Variants in ZBTB7C observed in about 807,000 individuals in gnomAD.
ZBTB7C encodes zinc finger and BTB domain-containing protein 7C.
In ZBTB7C, 8 loss-of-function variants were observed where a neutral mutation model predicts 25.7. The observed-to-expected ratio is 0.31, with a 90% CI of 0.18 to 0.56. ZBTB7C has a LOEUF of 0.56. ZBTB7C is among the 20% of genes least tolerant of loss of function. The pLI, the probability that ZBTB7C is intolerant of heterozygous loss-of-function variation, is 0.91. For missense variants in ZBTB7C, 824 were observed against 855.2 expected (o/e 0.96, Z 0.46); for synonymous variants, 394 against 369.0 (o/e 1.07, Z -0.78).
chr18:48,394,000 G>T (rs552710629), intron 1 of ZBTB7C, among the ~76,000 whole-genome samples: 5 of 152,206 alleles, frequency 3.3e-5, no homozygotes, highest in Admixed American at 2.6e-4. Flanking sequence ...CTCCAGTCTT[G>T]GTGGCCCCAG....
intron 3 of ZBTB7C, among the ~76,000 whole-genome samples, chr18:48,127,669 T>C (rs11082652): frequency 0.16 from 23,803 of 152,220 alleles, 1,985 homozygotes; most frequent in South Asian, 0.23. Context: ...TCACTCGACC[T>C]TTCATCCCAG....
intron 2 of ZBTB7C, among the ~76,000 whole-genome samples, chr18:48,205,024 G>A (rs995109688): frequency 2.0e-5 from 3 of 152,030 alleles, no homozygotes; most frequent in Non-Finnish European, 4.4e-5. Flanking sequence ...TCTTGAGGGG[G>A]GTTATATCTG....
At position 48,041,582 on chromosome 18, in the gene ZBTB7C, T is replaced by G. The variant is rs1044974596; in HGVS notation, c.-16-459A>C. 7 of 979,968 alleles carry G rather than the reference T, an allele frequency of 7.1e-6. No homozygotes were observed. In the African/African-American group the frequency reaches 1.2e-4, roughly 17 times the overall value. 60.7% of individuals were successfully genotyped at this position (979,968 alleles called of 1,614,324 possible). On this transcript the variant is annotated intron_variant, in intron 3 of 4. Transcript: ENST00000590800. The stretch of plus-strand genomic sequence containing the variant: ...ATTTGTCTCACAAATCCTCTGATTC[T>G]GTAACAGACTTACACTTTGCACTGG...
chr18:48,036,161 ACTGG>A (rs2035960737), intron 4 of ZBTB7C, among the ~76,000 whole-genome samples: 1 of 152,236 alleles, frequency 6.6e-6, no homozygotes, highest in African/African-American at 2.4e-5. Context: ...ACCTGGTAGG[ACTGG>A]CTGGAATCTA....
chr18:48,383,422 C>A (rs934843420), intron 1 of ZBTB7C, among the ~76,000 whole-genome samples: 5 of 151,996 alleles, frequency 3.3e-5, no homozygotes, highest in South Asian at 2.1e-4. Context: ...CACACCACCA[C>A]CCCTGGCTAA....
upstream of ZBTB7C, chr18:48,409,538 AGGGCCC>A (rs982198747): frequency 1.0e-4 from 15 of 147,346 alleles, no homozygotes; most frequent in Admixed American, 3.3e-4. Flanking sequence ...ACAGGGCTAA[AGGGCCC>A]GGATGTGTGC....
intron 1 of ZBTB7C, among the ~76,000 whole-genome samples, chr18:48,359,559 G>T (rs1435849418): frequency 6.6e-6 from 1 of 152,140 alleles, no homozygotes; most frequent in Admixed American, 6.5e-5. Context: ...ACAGCTGCTG[G>T]ACCTTCCAAC....
At chr18:48,206,023 T>C (rs2042568817) in intron 2 of ZBTB7C, among the ~76,000 whole-genome samples, 1 of 152,174 alleles carries the variant, frequency 6.6e-6, no homozygotes, top group African/African-American at 2.4e-5. Context: ...CTAGATTCAA[T>C]GCAGGTCCAG....
intron 3 of ZBTB7C, among the ~76,000 whole-genome samples, chr18:48,041,959 C>T (rs1245975646): frequency 1.3e-5 from 2 of 152,192 alleles, no homozygotes; most frequent in Admixed American, 6.5e-5. Flanking sequence ...TCTTCTGAGA[C>T]ACCTTATCAT....
At chr18:48,056,712 G>C (rs2144291310) in intron 3 of ZBTB7C, among the ~76,000 whole-genome samples, 1 of 152,186 alleles carries the variant, frequency 6.6e-6, no homozygotes, top group Admixed American at 6.5e-5. Context: ...AATAAAACTT[G>C]TATCCCTTCC....
chr18:48,152,853 T>C (rs1185147901), intron 3 of ZBTB7C, among the ~76,000 whole-genome samples: 3 of 152,230 alleles, frequency 2.0e-5, no homozygotes, highest in Non-Finnish European at 4.4e-5. Flanking sequence ...TTGCAAGTAT[T>C]ATCTTGTTTA....
chr18:48,397,349 T>G (rs1225155199), intron 1 of ZBTB7C, among the ~76,000 whole-genome samples: 2 of 152,196 alleles, frequency 1.3e-5, no homozygotes, highest in African/African-American at 2.4e-5. Context: ...GCCCCCATCA[T>G]GTTGGTCCCG....
chr18:48,357,644 A>G (rs1384878690), intron 1 of ZBTB7C, among the ~76,000 whole-genome samples: 2 of 152,182 alleles, frequency 1.3e-5, no homozygotes, highest in Non-Finnish European at 1.5e-5. Context: ...AGGTCTCACT[A>G]GTATTTGAAC....
At chr18:48,215,772 G>C (rs1023318140) in intron 2 of ZBTB7C, among the ~76,000 whole-genome samples, 1 of 152,110 alleles carries the variant, frequency 6.6e-6, no homozygotes, top group African/African-American at 2.4e-5. Context: ...AAAGGGAAAG[G>C]GATTTTCTAC....
At position 48,027,009 on chromosome 18, in the gene ZBTB7C, T is replaced by C. The variant is rs2035545640; in HGVS notation, c.*2251A>G. On this transcript the variant is annotated 3_prime_UTR_variant, in exon 5 of 5. Coordinates refer to ENST00000590800, the MANE Select transcript of ZBTB7C (RefSeq NM_001318841.2). ...CCTTGAATCACTAAGGCAAACTTTG[T>C]TGAGTGTCATTTTACGTAGAGCAAT... The C allele has an allele frequency of 1.3e-5, 2 of 151,864 alleles. No individual in the cohort carries two copies. The highest frequency in any genetic ancestry group is 2.9e-5 in the Non-Finnish European group (2 of 67,986). The allele number at this position is 151,864 out of a possible 1,614,324, so 9.4% of individuals were successfully genotyped here.
intron 3 of ZBTB7C, among the ~76,000 whole-genome samples, chr18:48,044,816 A>G (rs183773411): frequency 2.9e-4 from 44 of 152,374 alleles, no homozygotes; most frequent in South Asian, 1.0e-3. Flanking sequence ...AAGAGGAGTC[A>G]GGACTGCCAT....
intron 1 of ZBTB7C, among the ~76,000 whole-genome samples, chr18:48,376,985 G>A (rs1417363657): frequency 1.3e-5 from 2 of 152,182 alleles, no homozygotes; most frequent in Non-Finnish European, 2.9e-5. Context: ...ACTCAAGTAC[G>A]TGGACAAGGT....
At chr18:48,308,904 G>A (rs1009926696) in intron 2 of ZBTB7C, among the ~76,000 whole-genome samples, 4 of 151,732 alleles carry the variant, frequency 2.6e-5, no homozygotes, top group African/African-American at 9.7e-5. Context: ...TGAGTCTGAT[G>A]TATGCTTAAG....
intron 1 of ZBTB7C, chr18:48,350,676 CCT>C (rs5824745): frequency 0.59 from 90,118 of 151,816 alleles, 27,351 homozygotes; most frequent in East Asian, 0.95. Context: ...CCCTTCCACC[CCT>C]GTCGCCCACC....
Sources: allele counts gnomAD v4.1 joint callset (sites outside exome capture counted in the v4.1 genomes callset), GRCh38; gene constraint gnomAD v4.1.1; transcripts MANE v1.5; gene names NCBI Gene and HGNC (gene_info 2026-07-23, HGNC 2026-07-21).